CA8: variants seen among roughly 807,000 people sequenced by gnomAD.
CA8 encodes the protein carbonic anhydrase-related protein.
A neutral mutation model predicts 41.4 loss-of-function variants in CA8; 22 were observed. That is an observed-to-expected ratio of 0.53 (90% CI 0.38 to 0.76). The LOEUF is 0.76. Among genes scored for constraint, CA8 ranks in the 30% least tolerant of loss-of-function variants. The pLI is 0.00. For missense variants in CA8, 270 were observed against 352.8 expected, an observed-to-expected ratio of 0.77 and a Z score of 1.88; for synonymous variants, 121 against 130.6, an observed-to-expected ratio of 0.93 and a Z score of 0.50.
At chr8:60,236,475 A>G (rs1245627311) in intron 3 of CA8, among the ~76,000 whole-genome samples, 1 of 152,150 alleles carries the variant, frequency 6.6e-6, no homozygotes, top group African/African-American at 2.4e-5. Flanking sequence ...ACTAATACAG[A>G]TCATGCAAAC....
At chr8:60,270,618 G>A (rs1030732596) in intron 2 of CA8, among the ~76,000 whole-genome samples, 1 of 152,132 alleles carries the variant, frequency 6.6e-6, no homozygotes, top group Non-Finnish European at 1.5e-5. Context: ...GTTTCACCAT[G>A]TTGGCCAGAC....
At chr8:60,280,750 G>A (rs1459010192) in intron 1 of CA8, among the ~76,000 whole-genome samples, 1 of 152,276 alleles carries the variant, frequency 6.6e-6, no homozygotes, top group Non-Finnish European at 1.5e-5. Context: ...AAAAGGTACA[G>A]CCACGGCTTG....
rs1284252504 is a variant in CA8, at chr8:60,186,889, G to A, written c.*3132C>T. On this transcript the variant is annotated 3_prime_UTR_variant, in exon 9 of 9. Transcript: ENST00000317995. ...GGAAGAGATTATTCAACAACAGTCA[G>A]AGAATTCAATACACTACTTTCATAA... is the stretch of plus-strand genomic sequence containing the variant. Among the ~76,000 whole-genome samples, 4 of 152,016 alleles carry A rather than the reference G, an allele frequency of 2.6e-5. No homozygotes were observed. The highest frequency in any genetic ancestry group is 4.4e-5 in the Non-Finnish European group (3 of 67,908).
At chr8:60,251,543 G>A (rs1808447891) in intron 3 of CA8, among the ~76,000 whole-genome samples, 1 of 152,152 alleles carries the variant, frequency 6.6e-6, no homozygotes, top group Non-Finnish European at 1.5e-5. Context: ...CAACATACGG[G>A]TCTCCTGAGC....
At chr8:60,210,024 A>T (rs560357603) in intron 7 of CA8, among the ~76,000 whole-genome samples, 1 of 152,330 alleles carries the variant, frequency 6.6e-6, no homozygotes, top group Non-Finnish European at 1.5e-5. Context: ...ATTGTCTGTT[A>T]ATTCACTTAA....
intron 8 of CA8, among the ~76,000 whole-genome samples, chr8:60,191,842 G>A (rs1282963453): frequency 6.6e-6 from 1 of 150,976 alleles, no homozygotes; most frequent in African/African-American, 2.5e-5. Context: ...CAGGTCTCAA[G>A]CCAAAGCAGA....
At chr8:60,274,156 A>ATTC (rs1554527926) in intron 2 of CA8, among the ~76,000 whole-genome samples, 2 of 150,546 alleles carry the variant, frequency 1.3e-5, no homozygotes, top group Non-Finnish European at 3.0e-5. Flanking sequence ...TCTTGTGTGG[A>ATTC]TTTTTTTTTT....
chr8:60,219,316 A>G (rs1807151040), intron 7 of CA8, among the ~76,000 whole-genome samples: 1 of 151,244 alleles, frequency 6.6e-6, no homozygotes, highest in African/African-American at 2.4e-5. Flanking sequence ...CTGCCACCAC[A>G]CCCGGCTAAT....
At chr8:60,250,987 T>C (rs1167816826) in intron 3 of CA8, among the ~76,000 whole-genome samples, 1 of 152,328 alleles carries the variant, frequency 6.6e-6, no homozygotes, top group East Asian at 1.9e-4. Flanking sequence ...TTTATACATA[T>C]ATGGTATACA....
At chr8:60,246,735 G>C (rs1041028913) in intron 3 of CA8, among the ~76,000 whole-genome samples, 6 of 152,048 alleles carry the variant, frequency 3.9e-5, no homozygotes, top group African/African-American at 1.4e-4. Context: ...ATTTTACTAT[G>C]TAAAGTTATT....
chr8:60,209,516 A>G (rs1477309633), intron 7 of CA8, among the ~76,000 whole-genome samples: 1 of 152,214 alleles, frequency 6.6e-6, no homozygotes, highest in East Asian at 1.9e-4. Context: ...TCTCCCAAAA[A>G]GGTTTTATGC....
Position 60,213,542 on chromosome 8 carries a change from A to C in CA8, c.739-4623T>G, listed in dbSNP as rs1420936912. On this transcript the variant is annotated intron_variant, in intron 7 of 8. Coordinates refer to ENST00000317995, the MANE Select transcript of CA8 (RefSeq NM_004056.6). ...TGCACTGTCCAGGATGGCAGCCACCAGGCCCACATGGCCACCAAGCACTCG... is the reference window on the plus strand; with the variant it reads ...TGCACTGTCCAGGATGGCAGCCACCCGGCCCACATGGCCACCAAGCACTCG... Among the ~76,000 whole-genome samples the C allele has an allele frequency of 2.6e-5, 4 of 152,194 alleles. No homozygotes were observed. In the East Asian group the frequency reaches 7.7e-4, roughly 29 times the overall value.
chr8:60,213,486 AAG>A (rs1806911695), intron 7 of CA8, among the ~76,000 whole-genome samples: 1 of 152,246 alleles, frequency 6.6e-6, no homozygotes, highest in South Asian at 2.1e-4. Flanking sequence ...AAAGGGAAGA[AAG>A]AGTCTCCCCA....
chr8:60,218,882 G>A (rs1291666236), intron 7 of CA8, among the ~76,000 whole-genome samples: 3 of 152,034 alleles, frequency 2.0e-5, no homozygotes, highest in Admixed American at 6.5e-5. Context: ...TGGGGCGGCC[G>A]GCAGTGAGCA....
At chr8:60,270,916 A>G (rs950620362) in intron 2 of CA8, among the ~76,000 whole-genome samples, 4 of 152,200 alleles carry the variant, frequency 2.6e-5, no homozygotes, top group African/African-American at 7.2e-5. Context: ...AAATATCTTC[A>G]GCTCTTAAGG....
chr8:60,264,317 G>C (rs1000968197), intron 3 of CA8, among the ~76,000 whole-genome samples: 1 of 151,788 alleles, frequency 6.6e-6, no homozygotes, highest in Non-Finnish European at 1.5e-5. Context: ...TTTGTTACTA[G>C]AGTCTGTCTT....
chr8:60,238,107 C>T (rs1807895872), intron 3 of CA8, among the ~76,000 whole-genome samples: 1 of 152,180 alleles, frequency 6.6e-6, no homozygotes, highest in Admixed American at 6.5e-5. Flanking sequence ...ACGTTCAAAA[C>T]GTTCATCTTA....
rs1312988037 is a variant in CA8, at chr8:60,268,642, C to T, written c.293-2593G>A. ...AATCCAGGGAAGTTTACTAATCCTT[C>T]CAACAGATATTGTTTTGATCATCTA... On this transcript the variant is annotated intron_variant, in intron 2 of 8. Transcript: ENST00000317995. Among the ~76,000 whole-genome samples, 12 of 152,172 alleles carry T rather than the reference C, an allele frequency of 7.9e-5. No individual in the cohort carries two copies. In the East Asian group the frequency reaches 2.1e-3, roughly 27 times the overall value.
intron 7 of CA8, among the ~76,000 whole-genome samples, chr8:60,221,830 T>C (rs1301314157): frequency 2.0e-5 from 3 of 152,172 alleles, no homozygotes; most frequent in Non-Finnish European, 4.4e-5. Context: ...AAAGCTTTAC[T>C]GAGAAGTTAG....
Sources: gnomAD v4.1 joint callset for allele counts (sites outside exome capture counted in the v4.1 genomes callset) on GRCh38, gnomAD v4.1.1 for gene constraint, MANE v1.5 for transcripts, NCBI Gene and HGNC (gene_info 2026-07-23, HGNC 2026-07-21) for gene names.